The following COL4A5 variants were observed in gnomAD, a reference collection of about 807,000 sequenced individuals.
COL4A5 encodes the protein collagen type IV alpha 5 chain, also known as collagen alpha-5(IV) chain.
Under a neutral mutation model 130.2 loss-of-function variants are expected in COL4A5, and 26 were observed. That is an observed-to-expected ratio of 0.20 (90% CI 0.15 to 0.28). The LOEUF is 0.28. Among genes scored for constraint, COL4A5 ranks in the 10% least tolerant of loss-of-function variants. COL4A5 has a pLI of 1.00. For missense variants in COL4A5, 1,131 were observed against 1,344.3 expected (o/e 0.84, Z 2.48); for synonymous variants, 496 against 439.6 (o/e 1.13, Z -1.60).
intron 2 of COL4A5, among the ~76,000 whole-genome samples, chrX:108,557,979 G>T (rs1400795793): frequency 1.9e-5 from 2 of 108,095 alleles, no homozygotes; most frequent in Non-Finnish European, 3.8e-5. Context: ...ACAACTGCAG[G>T]TTTGTTACAT....
chrX:108,582,760 G>T, intron 16 of COL4A5, 124 bp from the exon 17 acceptor site: 5 of 423,255 alleles, frequency 1.2e-5, no homozygotes, highest in African/African-American at 2.7e-5. Context: ...GTTAAGTTCT[G>T]AAAGTTAATT....
At chrX:108,551,591 C>A (rs1179524878) in intron 2 of COL4A5, among the ~76,000 whole-genome samples, 1 of 112,094 alleles carries the variant, frequency 8.9e-6, no homozygotes, top group Non-Finnish European at 1.9e-5. Flanking sequence ...AATTAGTTCA[C>A]CCACTGTAGA....
intron 2 of COL4A5, among the ~76,000 whole-genome samples, chrX:108,541,051 A>G (rs1453612972): frequency 8.9e-6 from 1 of 111,954 alleles, no homozygotes; most frequent in Non-Finnish European, 1.9e-5. Context: ...AGAGGTATAG[A>G]AGGTACGTTA....
chrX:108,627,408 G>T, intron 36 of COL4A5: 10 of 735,596 alleles, frequency 1.4e-5, no homozygotes, highest in Non-Finnish European at 1.6e-5. Flanking sequence ...AGAGTTTGGG[G>T]TTTTTTCTAC....
intron 42 of COL4A5, among the ~76,000 whole-genome samples, chrX:108,673,076 T>A (rs1329757523): frequency 2.7e-5 from 3 of 112,086 alleles, no homozygotes; most frequent in African/African-American, 9.8e-5. Flanking sequence ...TCATATAATG[T>A]ACTTTTATTG....
Position 108,559,087 on chromosome X carries a change from G to A in COL4A5, c.165G>A (p.Leu55=). Residue 55 remains leucine, a synonymous_variant, in exon 3 of 53, where the codon TTG becomes TTA. Coordinates refer to ENST00000328300, the MANE Select transcript of COL4A5 (RefSeq NM_033380.3). ...AGGGAGAGAGAGGGTTTCCAGGTTT[G>A]GAAGGACACCCAGGATTGCCTGGAT... ...GEKGERGFPG[L]EGHPGLPGFP... is the part of the protein sequence containing the mutation. The A allele has an allele frequency of 8.3e-7, 1 of 1,210,367 alleles. No homozygotes were observed. The highest frequency in any genetic ancestry group is 1.1e-6 in the Non-Finnish European group (1 of 894,248).
intron 2 of COL4A5, among the ~76,000 whole-genome samples, chrX:108,548,091 C>T (rs768406619): frequency 4.7e-4 from 52 of 111,387 alleles, no homozygotes; most frequent in Admixed American, 7.6e-4. Context: ...CTTTGGCTCA[C>T]GCTCGGTGCG....
chrX:108,549,581 T>C (rs1437334337), intron 2 of COL4A5, among the ~76,000 whole-genome samples: 1 of 111,305 alleles, frequency 9.0e-6, no homozygotes, highest in Admixed American at 9.6e-5. Flanking sequence ...GGAATGGGGT[T>C]AAAGCAGGGC....
chrX:108,563,719 T>C (rs760183024), intron 3 of COL4A5, among the ~76,000 whole-genome samples, 163 bp from the exon 4 acceptor site: 145 of 111,877 alleles, frequency 1.3e-3, no homozygotes, highest in Middle Eastern at 4.6e-3. Flanking sequence ...TTTACCTCAG[T>C]GCTTTCAGTC....
intron 1 of COL4A5, among the ~76,000 whole-genome samples, chrX:108,461,898 A>G (rs12007702): frequency 0.058 from 6,460 of 112,073 alleles, 217 homozygotes; most frequent in East Asian, 0.16. Context: ...CCCAGCCTCT[A>G]TAAAGATTTG....
intron 2 of COL4A5, among the ~76,000 whole-genome samples, chrX:108,547,908 C>T (rs1242578631): frequency 1.8e-5 from 2 of 112,033 alleles, no homozygotes; most frequent in African/African-American, 6.5e-5. Context: ...CCCTCCGAGC[C>T]AGGCACGGGA....
At position 108,461,114 on chromosome X, in the gene COL4A5, G is replaced by T. The variant is rs571572112; in HGVS notation, c.81+20908G>T. On this transcript the variant is annotated intron_variant, in intron 1 of 52. Coordinates refer to ENST00000328300, the MANE Select transcript of COL4A5 (RefSeq NM_033380.3). ...AACAAGTGAGATCAAACTGAAAAAG[G>T]TCACCTTTCTTAGAGGCTGAAAAAG... Among the ~76,000 whole-genome samples the T allele has an allele frequency of 1.3e-4, 14 of 111,493 alleles. No individual in the cohort carries two copies. The South Asian group carries it at 1.9e-3, about 15-fold the overall frequency.
At chrX:108,571,378 G>A in intron 6 of COL4A5, 35 bp from the exon 7 acceptor site, 2 of 1,051,103 alleles carry the variant, frequency 1.9e-6, no homozygotes, top group Non-Finnish European at 2.7e-6. Context: ...TTTGTTTCTT[G>A]TTCCTCCATG....
intron 1 of COL4A5, among the ~76,000 whole-genome samples, chrX:108,455,076 C>A (rs2064571146): frequency 8.9e-6 from 1 of 112,109 alleles, no homozygotes; most frequent in Admixed American, 9.5e-5. Context: ...TTTTATTCCT[C>A]TTTGTAATCC....
intron 2 of COL4A5, 71 bp downstream of exon 2, chrX:108,539,876 T>A (rs2065510765): frequency 6.9e-6 from 6 of 866,458 alleles, no homozygotes; most frequent in South Asian, 4.1e-5. Flanking sequence ...AATATTTTTT[T>A]AAAAACAGAG....
intron 1 of COL4A5, among the ~76,000 whole-genome samples, chrX:108,526,766 C>T (rs1182865041): frequency 4.5e-5 from 4 of 88,282 alleles, no homozygotes; most frequent in African/African-American, 8.4e-5. Flanking sequence ...TTTTCTTTTC[C>T]TTTCCTTTCT....
rs1215867574 is a variant in COL4A5, at chrX:108,541,379, TGATAGTACAA to T, written c.141+1577_141+1586del. On this transcript the variant is annotated intron_variant, in intron 2 of 52. Coordinates refer to ENST00000328300, the MANE Select transcript of COL4A5 (RefSeq NM_033380.3). ...CTCTGGACAAAATATAACAGCTACT[TGATAGTACAA>T]GAGAATAACCAAAGGAAAAAGAGGA... Among the ~76,000 whole-genome samples, 2 of 112,089 alleles carry T rather than the reference TGATAGTACAA, an allele frequency of 1.8e-5. 1 individual carries two copies. Among genetic ancestry groups the T allele is most frequent in the Admixed American group, 1.9e-4 (2 of 10,557 alleles).
intron 48 of COL4A5, among the ~76,000 whole-genome samples, chrX:108,687,121 G>A (rs2068561152): frequency 1.8e-5 from 2 of 112,147 alleles, no homozygotes; most frequent in Non-Finnish European, 3.8e-5. Context: ...TACACAAAAA[G>A]GTATGCCTGA....
chrX:108,448,554 C>T (rs754081597), intron 1 of COL4A5, among the ~76,000 whole-genome samples: 22 of 111,525 alleles, frequency 2.0e-4, no homozygotes, highest in African/African-American at 7.1e-4. Context: ...TTAGTATATT[C>T]TGTGTTTACA....
Sources: gnomAD v4.1 joint callset for allele counts (sites outside exome capture counted in the v4.1 genomes callset) on GRCh38, gnomAD v4.1.1 for gene constraint, MANE v1.5 for transcripts, NCBI Gene and HGNC (gene_info 2026-07-23, HGNC 2026-07-21) for gene names.